INSL6: variants seen among roughly 807,000 people sequenced by gnomAD.
The protein encoded by INSL6 is insulin like 6, also known as insulin-like peptide INSL6.
A neutral mutation model predicts 9.4 loss-of-function variants in INSL6; 16 were observed. That is an observed-to-expected ratio of 1.70 (90% CI 1.15 to 2.59). The LOEUF (loss-of-function observed/expected upper bound fraction) is 2.59. INSL6 is among the 30% of genes most tolerant of loss of function. The pLI is 0.00. For synonymous variants in INSL6, 154 were observed against 96.9 expected (o/e 1.59, Z -3.46); for missense variants, 391 against 257.3 (o/e 1.52, Z -3.56).
chr9:5,122,411 A>G (rs1388414521), downstream of INSL6, among the ~76,000 whole-genome samples: 1 of 151,990 alleles, frequency 6.6e-6, no homozygotes, highest in Non-Finnish European at 1.5e-5. Flanking sequence ...TTGCCTTGGA[A>G]CCAATTTTTT....
At chr9:5,058,302 T>C in the INSL6 span, among the ~76,000 whole-genome samples, 1 of 152,180 alleles carries the variant, frequency 6.6e-6, no homozygotes, top group African/African-American at 2.4e-5. Flanking sequence ...TCGGCATGGC[T>C]GGCCCAGGAA....
At chr9:5,105,727 G>A in the INSL6 span, among the ~76,000 whole-genome samples, 1 of 152,086 alleles carries the variant, frequency 6.6e-6, no homozygotes, top group East Asian at 1.9e-4. Flanking sequence ...ATAGACCAAT[G>A]GAACAGAACA....
downstream of INSL6, among the ~76,000 whole-genome samples, chr9:5,122,746 A>C (rs1050689126): frequency 6.6e-6 from 1 of 152,016 alleles, no homozygotes; most frequent in African/African-American, 2.4e-5. Flanking sequence ...AGTAGATGTC[A>C]GCATAAACCG....
the INSL6 span, among the ~76,000 whole-genome samples, chr9:5,088,509 G>C: frequency 6.7e-6 from 1 of 150,104 alleles, no homozygotes; most frequent in South Asian, 2.1e-4. Flanking sequence ...ATGAGTTTTA[G>C]GTAAAAAGAG....
chr9:5,041,847 A>G, the INSL6 span: 3 of 470,854 alleles, frequency 6.4e-6, no homozygotes, highest in Non-Finnish European at 1.3e-5. Flanking sequence ...TGGGGAGCTG[A>G]ACGCGGACGA....
At chr9:5,085,142 C>A in the INSL6 span, 1 of 647,128 alleles carries the variant, frequency 1.5e-6, no homozygotes, top group East Asian at 3.6e-5. Flanking sequence ...CTCTGTAATA[C>A]ATACTGTGGA....
intron 1 of INSL6, among the ~76,000 whole-genome samples, chr9:5,164,897 A>G (rs367866672): frequency 6.6e-6 from 1 of 152,180 alleles, no homozygotes; most frequent in African/African-American, 2.4e-5. Flanking sequence ...AGTGGTTTCC[A>G]CTTTTTGGTC....
intron 2 of INSL6, among the ~76,000 whole-genome samples, chr9:5,140,671 C>G (rs10974980): frequency 0.24 from 36,583 of 151,824 alleles, 4,875 homozygotes; most frequent in South Asian, 0.3. Flanking sequence ...AGTGGCAGAG[C>G]CAGATATTAA....
the INSL6 span, among the ~76,000 whole-genome samples, chr9:5,018,322 T>G: frequency 1.3e-5 from 2 of 152,004 alleles, no homozygotes; most frequent in African/African-American, 4.8e-5. Context: ...AATTGTCCTT[T>G]TTGTTTGTTT....
In INSL6 at chr9:5,133,999, T is replaced by C. The variant is rs541438369; in HGVS notation, c.377-407A>G. ...ACAATAACCAGTTTAGAGAAGAACA[T>C]AAATGACATAATGGAGCTAAAAAAC... On this transcript the variant is annotated intron_variant, in intron 2 of 3. Coordinates refer to the INSL6 transcript ENST00000649639. Among the ~76,000 whole-genome samples the C allele has an allele frequency of 2.0e-5, 3 of 152,168 alleles. No individual in the cohort carries two copies. In the South Asian group the frequency reaches 6.2e-4, roughly 32 times the overall value.
At chr9:5,044,871 TA>T in the INSL6 span, among the ~76,000 whole-genome samples, 1 of 152,180 alleles carries the variant, frequency 6.6e-6, no homozygotes, top group Admixed American at 6.5e-5. Flanking sequence ...TTATGGTTTT[TA>T]AAAAAATTTT....
the INSL6 span, among the ~76,000 whole-genome samples, chr9:5,048,964 T>C: frequency 1.3e-5 from 2 of 152,200 alleles, no homozygotes; most frequent in Non-Finnish European, 2.9e-5. Flanking sequence ...CTGCTTTCTT[T>C]TTCTTTCTCC....
chr9:5,079,876 G>C, the INSL6 span, among the ~76,000 whole-genome samples: 1 of 152,056 alleles, frequency 6.6e-6, no homozygotes, highest in Non-Finnish European at 1.5e-5. Context: ...TGAGAAAATG[G>C]TATGCCAGTT....
At chr9:5,035,374 C>T in the INSL6 span, among the ~76,000 whole-genome samples, 5 of 152,238 alleles carry the variant, frequency 3.3e-5, no homozygotes, top group African/African-American at 7.2e-5. Flanking sequence ...TCCTCCCTAA[C>T]TCATTTTATG....
the INSL6 span, chr9:5,091,751 T>C: frequency 1.2e-4 from 18 of 152,286 alleles, 1 homozygote; most frequent in African/African-American, 4.1e-4. Context: ...GGCTTATGAA[T>C]AGGCTTAAGT....
At chr9:5,183,090 G>C (rs943676928) in intron 1 of INSL6, among the ~76,000 whole-genome samples, 3 of 152,020 alleles carry the variant, frequency 2.0e-5, no homozygotes, top group Admixed American at 6.6e-5. Context: ...CAACTTTCCA[G>C]CCATATTCAT....
the INSL6 span, chr9:5,073,666 C>G: frequency 6.6e-7 from 1 of 1,514,364 alleles, no homozygotes; most frequent in Non-Finnish European, 9.1e-7. Context: ...AACAGTCAAA[C>G]AACAATTCTT....
rs1411874410 is a variant in INSL6, at chr9:5,164,191, A to G, written c.364T>C (p.Tyr122His). The change falls in exon 2 of 2, where the codon TAT (tyrosine) becomes CAT (histidine). Residue 122 changes from tyrosine to histidine, a missense_variant. Coordinates refer to ENST00000381641, the MANE Select transcript of INSL6 (RefSeq NM_007179.3). ...TCTCTTGTCTTACCAAGGGGTGAAT[A>G]TCCCTTTTTATCCTTATACTCAGGT... ...SLPEYKDKKGYSPLGKTREFS... is the reference protein window; with the variant it reads ...SLPEYKDKKGHSPLGKTREFS... 4.4e-6 allele frequency: 7 copies of G among 1,606,118 alleles called. No individual in the cohort carries two copies. Among genetic ancestry groups the G allele is most frequent in the African/African-American group, 1.3e-5 (1 of 74,426 alleles).
the INSL6 span, among the ~76,000 whole-genome samples, chr9:5,052,705 T>TATAAATAG: frequency 1.3e-5 from 2 of 152,102 alleles, no homozygotes; most frequent in African/African-American, 4.8e-5. Context: ...TGGATTTTCC[T>TATAAATAG]GTCTCAAACA....
Sources: allele counts gnomAD v4.1 joint callset (sites outside exome capture counted in the v4.1 genomes callset), GRCh38; gene constraint gnomAD v4.1.1; transcripts MANE v1.5; gene names NCBI Gene and HGNC (gene_info 2026-07-23, HGNC 2026-07-21).